Variants in UMAD1 observed in about 807,000 individuals in gnomAD.
UMAD1 encodes UBAP1-MVB12-associated (UMA)-domain containing protein 1.
In UMAD1, 8 loss-of-function variants were observed where a neutral mutation model predicts 6.1. That is an observed-to-expected ratio of 1.30 (90% CI 0.76 to 2.35). The LOEUF (loss-of-function observed/expected upper bound fraction) is 2.35, where lower values mean the gene tolerates loss of function less well. Ranked by LOEUF, UMAD1 falls within the 30% of genes most tolerant of loss-of-function variation. UMAD1 has a pLI of 0.00. For synonymous variants in UMAD1, 56 were observed against 31.4 expected (o/e 1.78, Z -2.61); for missense variants, 130 against 78.4 (o/e 1.66, Z -2.49).
At chr7:7,695,103 T>G (rs1480246811) in intron 2 of UMAD1, among the ~76,000 whole-genome samples, 3 of 152,218 alleles carry the variant, frequency 2.0e-5, no homozygotes, top group Admixed American at 2.0e-4. Context: ...GATGATATCT[T>G]GTTGTAATTA....
At chr7:7,719,587 A>G (rs186925543) in intron 2 of UMAD1, among the ~76,000 whole-genome samples, 3 of 152,344 alleles carry the variant, frequency 2.0e-5, no homozygotes, top group Admixed American at 2.0e-4. Context: ...AAAGACTTCA[A>G]ACCGACTGTA....
Position 7,640,775 on chromosome 7 carries a change from T to A in UMAD1, c.-110T>A, listed in dbSNP as rs921623292. 3 of 233,186 alleles carry A rather than the reference T, an allele frequency of 1.3e-5. No individual in the cohort carries two copies. Among genetic ancestry groups the A allele is most frequent in the Non-Finnish European group, 2.6e-5 (3 of 116,192 alleles). 14.4% of individuals were successfully genotyped at this position (233,186 alleles called of 1,614,324 possible). Reference sequence around the variant, plus strand: ...GTGACTTGACCCCGGAAGTGGGGTGTGAAGCTCCGGTGCTGGTGCGGCGGG... The same window carrying A: ...GTGACTTGACCCCGGAAGTGGGGTGAGAAGCTCCGGTGCTGGTGCGGCGGG... On this transcript the variant is annotated 5_prime_UTR_variant, in exon 1 of 4. Coordinates refer to ENST00000682710, the MANE Select transcript of UMAD1 (RefSeq NM_001302348.2).
At chr7:7,862,532 G>A (rs1784134201) in intron 3 of UMAD1, among the ~76,000 whole-genome samples, 2 of 152,182 alleles carry the variant, frequency 1.3e-5, no homozygotes, top group Non-Finnish European at 2.9e-5. Flanking sequence ...TGACTAACAA[G>A]GGATATCAAG....
At chr7:7,845,587 A>G (rs527793623) in intron 3 of UMAD1, among the ~76,000 whole-genome samples, 3 of 152,246 alleles carry the variant, frequency 2.0e-5, no homozygotes, top group African/African-American at 7.2e-5. Context: ...AGAATTTTTC[A>G]CTGAACTCTT....
chr7:7,791,031 A>T (rs1782557944), intron 2 of UMAD1, among the ~76,000 whole-genome samples: 1 of 152,110 alleles, frequency 6.6e-6, no homozygotes, highest in Non-Finnish European at 1.5e-5. Context: ...CTGGGACCAG[A>T]GGCCCACACC....
rs1779657320 is a variant in UMAD1 at position 7,673,354 on chromosome 7, GCAGCAGCAGCAGCA to G, written c.-17_-4del. On this transcript the variant is annotated 5_prime_UTR_variant, in exon 2 of 4. Transcript: ENST00000682710. ...AGCAGCAGCAGCAGCAGCAGCAGCA[GCAGCAGCAGCAGCA>G]GCAATGTTTCACTTCTTCAGAAAGC... The G allele has an allele frequency of 2.3e-6, 3 of 1,282,342 alleles. No homozygotes were observed. In the African/African-American group the frequency reaches 4.5e-5, roughly 19 times the overall value. 79.4% of individuals were successfully genotyped at this position (1,282,342 alleles called of 1,614,324 possible).
intron 3 of UMAD1, among the ~76,000 whole-genome samples, chr7:7,840,794 T>C (rs946173694): frequency 6.6e-6 from 1 of 152,188 alleles, no homozygotes; most frequent in Non-Finnish European, 1.5e-5. Flanking sequence ...TAGATGATCA[T>C]CAAGGAAAGT....
intron 3 of UMAD1, among the ~76,000 whole-genome samples, chr7:7,831,987 G>A (rs144550416): frequency 6.6e-6 from 1 of 152,266 alleles, no homozygotes; most frequent in African/African-American, 2.4e-5. Context: ...AATTAGATGT[G>A]TATGCAGTTT....
intron 2 of UMAD1, among the ~76,000 whole-genome samples, chr7:7,692,032 A>G (rs1455167787): frequency 6.6e-6 from 1 of 152,218 alleles, no homozygotes; most frequent in Non-Finnish European, 1.5e-5. Flanking sequence ...CTAAGCTTCT[A>G]CACATAGTAC....
At chr7:7,664,747 C>T (rs1047767889) in intron 1 of UMAD1, among the ~76,000 whole-genome samples, 8 of 152,160 alleles carry the variant, frequency 5.3e-5, no homozygotes, top group African/African-American at 1.7e-4. Flanking sequence ...TGCTTTCTAG[C>T]GTTGTTTTAG....
At chr7:7,787,162 G>C (rs1485349896) in intron 2 of UMAD1, among the ~76,000 whole-genome samples, 1 of 152,090 alleles carries the variant, frequency 6.6e-6, no homozygotes, top group Non-Finnish European at 1.5e-5. Context: ...TAATGAAGTA[G>C]GTCTAATTTC....
At chr7:7,758,095 G>A (rs1781813965) in intron 2 of UMAD1, among the ~76,000 whole-genome samples, 1 of 151,958 alleles carries the variant, frequency 6.6e-6, no homozygotes, top group South Asian at 2.1e-4. Context: ...TTTAATTAGA[G>A]ACAGGGTTCT....
intron 2 of UMAD1, among the ~76,000 whole-genome samples, chr7:7,791,607 G>A (rs539257476): frequency 3.9e-5 from 6 of 152,252 alleles, no homozygotes; most frequent in South Asian, 2.1e-4. Context: ...TTGGGGTTCC[G>A]TCAAGATCTT....
chr7:7,743,743 C>A, intron 2 of UMAD1, among the ~76,000 whole-genome samples: 1 of 151,102 alleles, frequency 6.6e-6, no homozygotes. Flanking sequence ...CCATTCTGCA[C>A]TTTTAAAAAA....
chr7:7,822,248 A>T (rs938745197), intron 3 of UMAD1, among the ~76,000 whole-genome samples: 1 of 152,156 alleles, frequency 6.6e-6, no homozygotes, highest in East Asian at 1.9e-4. Context: ...GTCACACTGT[A>T]TGAAAAAGAG....
At chr7:7,722,854 G>A (rs1256894184) in intron 2 of UMAD1, among the ~76,000 whole-genome samples, 1 of 152,170 alleles carries the variant, frequency 6.6e-6, no homozygotes, top group Admixed American at 6.5e-5. Context: ...GGGGACGTGT[G>A]GGAGGACCCT....
intron 2 of UMAD1, among the ~76,000 whole-genome samples, chr7:7,725,795 A>T (rs1781128100): frequency 6.6e-6 from 1 of 152,154 alleles, no homozygotes; most frequent in Non-Finnish European, 1.5e-5. Flanking sequence ...TCTTCCCCAG[A>T]CTGCACCAAT....
intron 2 of UMAD1, among the ~76,000 whole-genome samples, chr7:7,789,476 G>A (rs749315504): frequency 6.6e-6 from 1 of 152,044 alleles, no homozygotes; most frequent in Non-Finnish European, 1.5e-5. Context: ...TTAATTACTA[G>A]TAATAAAACC....
intron 2 of UMAD1, among the ~76,000 whole-genome samples, chr7:7,782,887 A>G (rs912961839): frequency 2.6e-5 from 4 of 151,714 alleles, no homozygotes; most frequent in Non-Finnish European, 5.9e-5. Flanking sequence ...ACGCCACCAC[A>G]CCCAGCTAAT....
Sources: allele counts gnomAD v4.1 joint callset (sites outside exome capture counted in the v4.1 genomes callset), GRCh38; gene constraint gnomAD v4.1.1; transcripts MANE v1.5; gene names NCBI Gene and HGNC (gene_info 2026-07-23, HGNC 2026-07-21).